The following ANKRD55 variants were observed in gnomAD, a reference collection of about 807,000 sequenced individuals.
The protein encoded by ANKRD55 is ankyrin repeat domain-containing protein 55.
In ANKRD55, 41 loss-of-function variants were observed where a neutral mutation model predicts 60.6. That is an observed-to-expected ratio of 0.68 (90% confidence interval 0.53 to 0.88). The LOEUF (loss-of-function observed/expected upper bound fraction) is 0.88. Ranked by LOEUF, ANKRD55 falls within the 40% of genes least tolerant of loss-of-function variation. ANKRD55 has a pLI of 0.00. For missense variants in ANKRD55, 732 were observed against 767.6 expected (o/e 0.95, Z 0.55); for synonymous variants, 264 against 290.3 (o/e 0.91, Z 0.92).
chr5:56,208,897 T>C (rs1197287474), intron 2 of ANKRD55, among the ~76,000 whole-genome samples: 1 of 152,184 alleles, frequency 6.6e-6, no homozygotes. Flanking sequence ...ATATTTGTAG[T>C]ACATTGTTGA....
intron 2 of ANKRD55, among the ~76,000 whole-genome samples, chr5:56,198,170 G>A (rs1003655545): frequency 2.0e-5 from 3 of 152,064 alleles, no homozygotes; most frequent in Admixed American, 6.5e-5. Context: ...TTAAACCTAC[G>A]AACTGGGTTT....
At chr5:56,208,537 G>A (rs938783054) in intron 2 of ANKRD55, among the ~76,000 whole-genome samples, 2 of 151,986 alleles carry the variant, frequency 1.3e-5, no homozygotes, top group South Asian at 4.1e-4. Context: ...CAATTCTCCT[G>A]GCTTAGCCTC....
chr5:56,128,077 A>G (rs1757322096), intron 7 of ANKRD55, among the ~76,000 whole-genome samples: 1 of 152,228 alleles, frequency 6.6e-6, no homozygotes, highest in African/African-American at 2.4e-5. Flanking sequence ...CTAGTTAGAC[A>G]TACATCGAAG....
intron 2 of ANKRD55, 31 bp downstream of exon 2, chr5:56,232,824 CA>C (rs775341698): frequency 3.1e-6 from 5 of 1,607,164 alleles, no homozygotes; most frequent in Non-Finnish European, 4.3e-6. Flanking sequence ...AGGATGCTAA[CA>C]ACCAAAGAAT....
intron 2 of ANKRD55, among the ~76,000 whole-genome samples, chr5:56,192,365 A>G (rs1317311906): frequency 6.6e-6 from 1 of 152,236 alleles, no homozygotes; most frequent in Non-Finnish European, 1.5e-5. Flanking sequence ...ATTTTATTTA[A>G]AACTCTGCCG....
intron 5 of ANKRD55, among the ~76,000 whole-genome samples, chr5:56,166,115 T>C (rs1258508036): frequency 1.7e-5 from 1 of 58,018 alleles, no homozygotes; most frequent in Non-Finnish European, 3.7e-5. Flanking sequence ...TCTTTCTTTC[T>C]TTCTTTCTTT....
intron 2 of ANKRD55, among the ~76,000 whole-genome samples, chr5:56,188,197 C>T (rs160289): frequency 0.34 from 51,911 of 151,682 alleles, 10,799 homozygotes; most frequent in East Asian, 0.58. Flanking sequence ...TTAGAGCCCA[C>T]GAAAAGCAAT....
At chr5:56,156,006 G>A (rs185819203) in intron 6 of ANKRD55, among the ~76,000 whole-genome samples, 8 of 152,192 alleles carry the variant, frequency 5.3e-5, no homozygotes, top group Admixed American at 1.3e-4. Context: ...AACCTCAGGG[G>A]AAAAGAGGGT....
intron 6 of ANKRD55, among the ~76,000 whole-genome samples, chr5:56,159,163 C>A (rs184097319): frequency 6.6e-6 from 1 of 152,170 alleles, no homozygotes; most frequent in Admixed American, 6.5e-5. Flanking sequence ...CCATCTTACA[C>A]GAGAGAGCAT....
chr5:56,117,323 T>C (rs1399222615), intron 8 of ANKRD55, among the ~76,000 whole-genome samples: 1 of 152,250 alleles, frequency 6.6e-6, no homozygotes, highest in African/African-American at 2.4e-5. Context: ...TTTTGTCATT[T>C]TTCTATTAAA....
chr5:56,121,145 C>A (rs1757037418), intron 8 of ANKRD55, among the ~76,000 whole-genome samples: 1 of 152,040 alleles, frequency 6.6e-6, no homozygotes, highest in African/African-American at 2.4e-5. Flanking sequence ...GAGGGGCCAT[C>A]CTCCATCTCT....
In ANKRD55 at chr5:56,176,166, G is replaced by A. The variant is rs1325900217; in HGVS notation, c.298C>T (p.Leu100=). The change falls in exon 4 of 12, where the codon CTG becomes TTG. Residue 100 remains leucine (L), a synonymous_variant. Coordinates refer to ENST00000341048, the MANE Select transcript of ANKRD55 (RefSeq NM_024669.3). ...QDAYGRTSLC[L]ATYLGWLEGC... ...CAAGTCAGTACCAGGTAGGTGGCCAGGCATAAACTTGTGCGGCCATAAGCA... is the reference window on the plus strand; with the variant it reads ...CAAGTCAGTACCAGGTAGGTGGCCAAGCATAAACTTGTGCGGCCATAAGCA... The A allele has an allele frequency of 6.2e-7, 1 of 1,614,164 alleles. No individual in the cohort carries two copies. Among genetic ancestry groups the A allele is most frequent in the East Asian group, 2.2e-5 (1 of 44,878 alleles).
intron 2 of ANKRD55, among the ~76,000 whole-genome samples, chr5:56,213,869 A>G (rs1406534585): frequency 2.0e-5 from 3 of 152,202 alleles, no homozygotes; most frequent in Admixed American, 1.3e-4. Context: ...CCAACTTCCA[A>G]ATGAAAAAGA....
chr5:56,219,149 T>A (rs1296492118), intron 2 of ANKRD55, among the ~76,000 whole-genome samples: 1 of 151,706 alleles, frequency 6.6e-6, no homozygotes, highest in Admixed American at 6.6e-5. Flanking sequence ...GGCAGGCACC[T>A]GTAATCCCAG....
At chr5:56,127,754 G>A (rs1757313381) in intron 7 of ANKRD55, 1 of 179,732 alleles carries the variant, frequency 5.6e-6, no homozygotes, top group Non-Finnish European at 1.1e-5. Flanking sequence ...TATGCCTTAA[G>A]CACAGGGTCC....
chr5:56,180,416 C>A (rs1474488627), intron 3 of ANKRD55, among the ~76,000 whole-genome samples: 1 of 152,174 alleles, frequency 6.6e-6, no homozygotes, highest in Non-Finnish European at 1.5e-5. Flanking sequence ...TATTTCTATA[C>A]ACATTTTAGC....
At chr5:56,197,019 G>A (rs1204882396) in intron 2 of ANKRD55, among the ~76,000 whole-genome samples, 1 of 152,134 alleles carries the variant, frequency 6.6e-6, no homozygotes, top group East Asian at 1.9e-4. Flanking sequence ...AACTCTGCAG[G>A]TGTCTTTGTT....
intron 6 of ANKRD55, among the ~76,000 whole-genome samples, chr5:56,151,032 A>G (rs1053072574): frequency 6.6e-6 from 1 of 152,192 alleles, no homozygotes; most frequent in African/African-American, 2.4e-5. Flanking sequence ...TTTAAAAAGA[A>G]GTTTAAATAG....
chr5:56,216,134 A>T (rs766074085), intron 2 of ANKRD55, among the ~76,000 whole-genome samples: 18 of 151,948 alleles, frequency 1.2e-4, no homozygotes, highest in Non-Finnish European at 2.2e-4. Context: ...AAGGAAATAG[A>T]TGTGAATATT....
Sources: allele counts gnomAD v4.1 joint callset (sites outside exome capture counted in the v4.1 genomes callset), GRCh38; gene constraint gnomAD v4.1.1; transcripts MANE v1.5; gene names NCBI Gene and HGNC (gene_info 2026-07-23, HGNC 2026-07-21).